The following MED27 variants were observed in gnomAD, a reference collection of about 807,000 sequenced individuals.
MED27 encodes mediator complex subunit 27, also known as mediator of RNA polymerase II transcription subunit 27.
Under a neutral mutation model 38.2 loss-of-function variants are expected in MED27, and 30 were observed. The ratio of observed to expected loss-of-function variants is 0.79; its 90% CI spans 0.59 to 1.07. The LOEUF (loss-of-function observed/expected upper bound fraction) is 1.07, where lower values mean the gene tolerates loss of function less well. Among genes scored for constraint, MED27 ranks in the 50% least tolerant of loss-of-function variants. MED27 has a pLI of 0.00. For missense variants in MED27, 289 were observed against 397.5 expected (o/e 0.73, Z 2.32); for synonymous variants, 122 against 153.5 (o/e 0.79, Z 1.52).
At chr9:132,006,019 G>A (rs1051090139) in intron 3 of MED27, among the ~76,000 whole-genome samples, 1 of 152,032 alleles carries the variant, frequency 6.6e-6, no homozygotes, top group African/African-American at 2.4e-5. Flanking sequence ...CTAGGCCTAG[G>A]ATTATTTCTT....
chr9:132,066,830 A>C (rs1481919349), intron 2 of MED27, among the ~76,000 whole-genome samples: 1 of 152,242 alleles, frequency 6.6e-6, no homozygotes, highest in Admixed American at 6.5e-5. Flanking sequence ...TAGTTTGGGA[A>C]TCTTCTACTG....
chr9:131,893,764 CTA>C, intron 5 of MED27, 119 bp downstream of exon 5: 3 of 689,642 alleles, frequency 4.4e-6, no homozygotes, highest in Non-Finnish European at 7.7e-6. Context: ...ACTGACAAAT[CTA>C]TGTTTGCTGA....
intron 2 of MED27, among the ~76,000 whole-genome samples, chr9:132,063,340 T>C (rs1354771558): frequency 6.6e-6 from 1 of 152,226 alleles, no homozygotes; most frequent in East Asian, 1.9e-4. Context: ...ACTACGTGAC[T>C]GAGAAGGACA....
chr9:132,048,710 C>G (rs1183528327), intron 2 of MED27, among the ~76,000 whole-genome samples: 2 of 152,322 alleles, frequency 1.3e-5, no homozygotes, highest in East Asian at 3.9e-4. Context: ...TAAGCCAACC[C>G]CACTCTGTGG....
intron 4 of MED27, among the ~76,000 whole-genome samples, chr9:131,936,205 A>G (rs1207530521): frequency 6.6e-6 from 1 of 152,034 alleles, no homozygotes; most frequent in Non-Finnish European, 1.5e-5. Context: ...GGTAGTCCAA[A>G]TCTTACTTGC....
chr9:132,058,968 C>G (rs1029945194), intron 2 of MED27, among the ~76,000 whole-genome samples: 1 of 152,102 alleles, frequency 6.6e-6, no homozygotes. Flanking sequence ...AAAACAGAAG[C>G]GATTTGGTGA....
chr9:131,994,860 C>T (rs4588986), intron 3 of MED27, among the ~76,000 whole-genome samples: 149,329 of 152,224 alleles, frequency 0.98, 73,248 homozygotes, highest in East Asian at 1. Context: ...GAATCCTACA[C>T]GAGCATACGG....
intron 4 of MED27, among the ~76,000 whole-genome samples, chr9:131,903,009 G>A (rs1243714497): frequency 1.3e-5 from 2 of 152,196 alleles, no homozygotes; most frequent in African/African-American, 4.8e-5. Context: ...AACCCTGGAA[G>A]GAATGACACC....
intron 3 of MED27, among the ~76,000 whole-genome samples, chr9:132,005,791 A>C (rs1832345474): frequency 6.6e-6 from 1 of 152,204 alleles, no homozygotes. Flanking sequence ...CCGGTCTTGC[A>C]GGAAAAAGGC....
At chr9:132,044,206 C>T (rs990331437) in intron 2 of MED27, among the ~76,000 whole-genome samples, 2 of 152,146 alleles carry the variant, frequency 1.3e-5, no homozygotes, top group African/African-American at 4.8e-5. Flanking sequence ...GGCTCCACTG[C>T]CTGGTGGCTG....
At chr9:132,067,840 T>C (rs1475737418) in intron 2 of MED27, among the ~76,000 whole-genome samples, 2 of 151,910 alleles carry the variant, frequency 1.3e-5, no homozygotes, top group Middle Eastern at 3.4e-3. Flanking sequence ...GCCTCCCCAG[T>C]AGCTGGGACT....
intron 4 of MED27, among the ~76,000 whole-genome samples, chr9:131,934,020 T>C (rs1038351822): frequency 1.3e-5 from 2 of 152,114 alleles, no homozygotes; most frequent in African/African-American, 4.8e-5. Flanking sequence ...AGAACATACA[T>C]TGGGGAAAAG....
intron 3 of MED27, among the ~76,000 whole-genome samples, chr9:131,978,417 A>G (rs1192328589): frequency 6.6e-6 from 1 of 152,246 alleles, no homozygotes; most frequent in Non-Finnish European, 1.5e-5. Context: ...TAAACTGACT[A>G]GACAGCTGAC....
chr9:131,957,098 C>T (rs1261802450), intron 3 of MED27, among the ~76,000 whole-genome samples: 2 of 152,128 alleles, frequency 1.3e-5, no homozygotes, highest in Non-Finnish European at 2.9e-5. Context: ...TACAAAGTGG[C>T]AGAACAACTT....
intron 4 of MED27, among the ~76,000 whole-genome samples, chr9:131,930,616 G>C (rs1022965482): frequency 1.3e-5 from 2 of 152,180 alleles, no homozygotes; most frequent in Non-Finnish European, 2.9e-5. Context: ...GAATGCTAAA[G>C]GGAGTTCTTC....
intron 2 of MED27, among the ~76,000 whole-genome samples, chr9:132,039,086 T>C (rs1293390314): frequency 6.6e-6 from 1 of 152,046 alleles, no homozygotes; most frequent in South Asian, 2.1e-4. Flanking sequence ...GACTTCAAAA[T>C]TGCAAGGAAT....
intron 4 of MED27, among the ~76,000 whole-genome samples, chr9:131,896,196 C>A (rs915103542): frequency 2.6e-5 from 4 of 152,120 alleles, no homozygotes; most frequent in Admixed American, 1.3e-4. Flanking sequence ...CCACCACGCC[C>A]GGCCAAGTTA....
chr9:132,026,441 C>A (rs1157235637), intron 2 of MED27, among the ~76,000 whole-genome samples: 1 of 152,236 alleles, frequency 6.6e-6, no homozygotes, highest in Admixed American at 6.5e-5. Flanking sequence ...CCAAGGCTGA[C>A]CACTGTACAT....
chr9:131,929,137 T>C (rs986420065), intron 4 of MED27, among the ~76,000 whole-genome samples: 1 of 152,194 alleles, frequency 6.6e-6, no homozygotes, highest in African/African-American at 2.4e-5. Flanking sequence ...ATCTGCTCCC[T>C]TGAAGGGATG....
Sources: gnomAD v4.1 joint callset for allele counts (sites outside exome capture counted in the v4.1 genomes callset) on GRCh38, gnomAD v4.1.1 for gene constraint, MANE v1.5 for transcripts, NCBI Gene and HGNC (gene_info 2026-07-23, HGNC 2026-07-21) for gene names.